Variants in FLNB observed in about 807,000 individuals in gnomAD.
FLNB encodes the protein filamin-B.
FLNB carries 111 observed loss-of-function variants against 250.6 expected under a neutral mutation model. The observed-to-expected ratio is 0.44, with a 90% CI of 0.38 to 0.52. FLNB has a LOEUF of 0.52. FLNB is among the 20% of genes least tolerant of loss of function. The probability of loss-of-function intolerance (pLI) is 0.00; values close to 1 mark genes in which losing one functional copy is unlikely to be tolerated. For missense variants in FLNB, 2,869 were observed against 3,447.8 expected, an observed-to-expected ratio of 0.83 and a Z score of 4.20; for synonymous variants, 1,302 against 1,372.1, an observed-to-expected ratio of 0.95 and a Z score of 1.13.
intron 16 of FLNB, 99 bp downstream of exon 16, chr3:58,110,269 A>G (rs994161013): frequency 2.3e-6 from 3 of 1,286,256 alleles, no homozygotes; most frequent in African/African-American, 2.9e-5. Context: ...TTTTGTTAGT[A>G]TTATTATTTT....
intron 1 of FLNB, among the ~76,000 whole-genome samples, chr3:58,038,890 T>C (rs1418197495): frequency 6.6e-6 from 1 of 152,138 alleles, no homozygotes; most frequent in Non-Finnish European, 1.5e-5. Context: ...TTGAACAATG[T>C]GGTACTATAA....
At chr3:58,130,596 T>G in intron 24 of FLNB, 145 bp from the exon 25 acceptor site, 6 of 717,716 alleles carry the variant, frequency 8.4e-6, no homozygotes, top group South Asian at 1.7e-5. Flanking sequence ...AGTAGGCACA[T>G]GAGCAGTGCA....
At chr3:58,105,036 T>C (rs1426906348) in intron 10 of FLNB, 44 bp from the exon 11 acceptor site, 1 of 1,613,712 alleles carries the variant, frequency 6.2e-7, no homozygotes, top group Admixed American at 1.7e-5. Flanking sequence ...AGTGACACCT[T>C]ACTTTACTCT....
chr3:58,144,951 C>T (rs534412285), intron 32 of FLNB, among the ~76,000 whole-genome samples: 60 of 152,108 alleles, frequency 3.9e-4, no homozygotes, highest in Non-Finnish European at 7.5e-4. Context: ...GGTTATTGGC[C>T]TTTGTCATAT....
rs1477364112 is a variant in FLNB at position 58,148,751 on chromosome 3, C to T, written c.5990C>T (p.Ser1997Leu). 5.6e-6 allele frequency: 9 copies of T among 1,613,874 alleles called. No homozygotes were observed. The highest frequency in any genetic ancestry group is 2.2e-5 in the East Asian group (1 of 44,878). Residue 1997 changes from serine (S) to leucine (L), a missense_variant, in exon 36 of 46, where the codon TCG becomes TTG. Physicochemically the swap from Ser to Leu is moderately radical, Grantham distance 145. Transcript: ENST00000295956. The stretch of plus-strand genomic sequence containing the variant: ...CCCGTGTCTATCATGGTGGTCCAGT[C>T]GGAGATTGGTGACGCCCGCCGAGCC... ...NSPVSIMVVQ[S>L]EIGDARRAKV... is the part of the protein sequence containing the mutation.
chr3:58,149,774 T>C, intron 36 of FLNB, 76 bp from the exon 37 acceptor site: 2 of 1,574,180 alleles, frequency 1.3e-6, no homozygotes, highest in Non-Finnish European at 1.7e-6. Flanking sequence ...AAGGGTCGGA[T>C]GTCCTTTCTC....
In FLNB at chr3:58,156,016, C is replaced by T. The variant is rs150602768; in HGVS notation, c.6829C>T (p.Leu2277=). ...NDEHIPESPY[L]VPVIAPSDDA... ...TGAGCACATCCCGGAAAGCCCCTACCTGGTGCCGGTCATCGCACCCTCCGA... is the reference window on the plus strand; with the variant it reads ...TGAGCACATCCCGGAAAGCCCCTACTTGGTGCCGGTCATCGCACCCTCCGA... Residue 2277 remains leucine, a synonymous_variant, in exon 41 of 46, where the codon CTG becomes TTG. Coordinates refer to ENST00000295956, the MANE Select transcript of FLNB (RefSeq NM_001457.4). 1.6e-4 allele frequency: 259 copies of T among 1,614,210 alleles called. 1 individual carries two copies. The East Asian group carries it at 5.6e-3, about 35-fold the overall frequency.
intron 4 of FLNB, among the ~76,000 whole-genome samples, chr3:58,092,517 G>A (rs1026353319): frequency 2.0e-5 from 3 of 152,132 alleles, no homozygotes; most frequent in Non-Finnish European, 4.4e-5. Flanking sequence ...GTGGTGGTAT[G>A]CACCTGTGGT....
At chr3:58,032,872 A>C (rs1165486083) in intron 1 of FLNB, among the ~76,000 whole-genome samples, 1 of 152,182 alleles carries the variant, frequency 6.6e-6, no homozygotes, top group East Asian at 1.9e-4. Context: ...ATTCAGGACC[A>C]GCCTGGGCAA....
chr3:58,121,737 C>A (rs1559708615), intron 20 of FLNB, among the ~76,000 whole-genome samples: 3 of 152,188 alleles, frequency 2.0e-5, no homozygotes, highest in Non-Finnish European at 4.4e-5. Flanking sequence ...TCTTTCTTCG[C>A]TTGTTAGCAT....
chr3:58,159,517 C>T (rs1052746604), intron 41 of FLNB, 37 bp from the exon 42 acceptor site: 14 of 1,612,782 alleles, frequency 8.7e-6, no homozygotes, highest in Middle Eastern at 1.6e-4. Context: ...GCAGGAACGC[C>T]GAGGGCCATA....
intron 41 of FLNB, among the ~76,000 whole-genome samples, 156 bp downstream of exon 41, chr3:58,156,231 G>C (rs2097353201): frequency 6.6e-6 from 1 of 152,228 alleles, no homozygotes; most frequent in Non-Finnish European, 1.5e-5. Context: ...TCCTGTGGCA[G>C]AGTCAACTCC....
rs138563562 is a variant in FLNB at position 58,110,625 on chromosome 3, T to C, written c.2484+455T>C. Reference sequence around the variant, plus strand: ...ACGCCTGGCTAATTTTTTTGTATTTTTATAGAAATGGGGTTTCACCATGTT... The same window carrying C: ...ACGCCTGGCTAATTTTTTTGTATTTCTATAGAAATGGGGTTTCACCATGTT... On this transcript the variant is annotated intron_variant, in intron 16 of 45. Coordinates refer to ENST00000295956, the MANE Select transcript of FLNB (RefSeq NM_001457.4). Among the ~76,000 whole-genome samples, 76 of 152,248 alleles carry C rather than the reference T, an allele frequency of 5.0e-4. No individual in the cohort carries two copies. In the East Asian group the frequency reaches 0.014, roughly 27 times the overall value.
chr3:58,032,620 G>A (rs2097132557), intron 1 of FLNB, among the ~76,000 whole-genome samples: 1 of 152,204 alleles, frequency 6.6e-6, no homozygotes, highest in South Asian at 2.1e-4. Context: ...AGTGGAATGA[G>A]TGTTAAGAGA....
intron 15 of FLNB, 39 bp downstream of exon 15, chr3:58,109,738 C>T (rs765598954): frequency 3.7e-6 from 6 of 1,613,628 alleles, no homozygotes; most frequent in South Asian, 1.1e-5. Flanking sequence ...ATCATTGCTC[C>T]GTGGGGAAGG....
chr3:58,098,821 C>T lies in FLNB; in HGVS notation c.1258C>T (p.Pro420Ser). The T allele has an allele frequency of 6.2e-7, 1 of 1,614,146 alleles. No homozygotes were observed. Reference sequence around the variant, plus strand: ...CCAGGTGTATCGATGTGTGTACAAACCCATGCAGCCTGGCCCTCACGTGGT... The same window carrying T: ...CCAGGTGTATCGATGTGTGTACAAATCCATGCAGCCTGGCCCTCACGTGGT... ...GNQVYRCVYK[P>S]MQPGPHVVKI... The change falls in exon 8 of 46, where the codon CCC (proline) becomes TCC (serine). Residue 420 changes from proline to serine, a missense_variant. This residue lies in a region of FLNB where 1,348 missense variants were observed against 1,466.7 expected (regional missense o/e 0.92). Transcript: ENST00000295956.
At chr3:58,015,381 C>T (rs2097104447) in intron 1 of FLNB, among the ~76,000 whole-genome samples, 1 of 152,160 alleles carries the variant, frequency 6.6e-6, no homozygotes, top group Non-Finnish European at 1.5e-5. Flanking sequence ...TTTTTGGAAT[C>T]CTATTGCTGT....
chr3:58,008,826 G>C lies in FLNB; in HGVS notation c.262G>C (p.Asp88His). Reference protein sequence around the residue: ...ENVSVALEFLDRESIKLVSID... With the variant: ...ENVSVALEFLHRESIKLVSID... ...TGTGTCCGTGGCGCTCGAGTTCCTG[G>C]ACCGTGAGAGCATCAAGCTCGTGTC... The change falls in exon 1 of 46, where the codon GAC becomes CAC. Residue 88 changes from aspartate (D) to histidine (H), a missense_variant. By Grantham distance (81) the Asp-to-His change is moderately conservative. Around this residue, in one of 5 missense-constraint regions of FLNB, gnomAD observed 308 missense variants for 466.1 expected, o/e 0.66. Coordinates refer to ENST00000295956, the MANE Select transcript of FLNB (RefSeq NM_001457.4). 6.2e-7 allele frequency: 1 copy of C among 1,613,898 alleles called. No homozygotes were observed. The highest frequency in any genetic ancestry group is 8.5e-7 in the Non-Finnish European group (1 of 1,180,022).
At chr3:58,076,975 A>G in intron 1 of FLNB, 71 bp from the exon 2 acceptor site, 1 of 1,549,964 alleles carries the variant, frequency 6.5e-7, no homozygotes, top group Non-Finnish European at 8.9e-7. Flanking sequence ...CTCCATTTAC[A>G]TTTATATAAG....
Sources: gnomAD v4.1 joint callset for allele counts (sites outside exome capture counted in the v4.1 genomes callset) on GRCh38, gnomAD v4.1.1 for gene constraint, gnomAD v4.1.1 regional missense constraint, MANE v1.5 for transcripts, NCBI Gene and HGNC (gene_info 2026-07-23, HGNC 2026-07-21) for gene names.